Variants in EXOC6 observed in about 807,000 individuals in gnomAD.
EXOC6 encodes SEC15-like 1.
A neutral mutation model predicts 112.5 loss-of-function variants in EXOC6; 60 were observed. The observed-to-expected ratio is 0.53, with a 90% CI of 0.43 to 0.66. EXOC6 has a LOEUF of 0.66. Ranked by LOEUF, EXOC6 falls within the 30% of genes least tolerant of loss-of-function variation. EXOC6 has a pLI of 0.00. For synonymous variants in EXOC6, 295 were observed against 308.0 expected (o/e 0.96, Z 0.44); for missense variants, 855 against 957.1 (o/e 0.89, Z 1.41).
chr10:92,915,691 AT>A lies in EXOC6; in HGVS notation c.664-61del, dbSNP rs1851043874. 41 of 1,245,252 alleles carry A rather than the reference AT, an allele frequency of 3.3e-5. No individual in the cohort carries two copies. The South Asian group carries it at 8.3e-4, about 25-fold the overall frequency. The allele number at this position is 1,245,252 out of a possible 1,614,324, so 77.1% of individuals were successfully genotyped here. A position where few individuals can be genotyped will look rare whatever the true frequency, so the allele number is the denominator to read the frequency against. On this transcript the variant is annotated intron_variant, in intron 6 of 21. Coordinates refer to ENST00000260762, the MANE Select transcript of EXOC6 (RefSeq NM_019053.6). The stretch of plus-strand genomic sequence containing the variant: ...AAAGATAAAAAAAAACTATGAACAA[AT>A]TTTTTGAACCAATTTTGACCATAAT...
intron 1 of EXOC6, among the ~76,000 whole-genome samples, chr10:92,886,563 G>A (rs535123912): frequency 6.6e-6 from 1 of 152,270 alleles, no homozygotes; most frequent in African/African-American, 2.4e-5. Flanking sequence ...TTTCTGACTG[G>A]AGAGTCTATG....
intron 1 of EXOC6, among the ~76,000 whole-genome samples, chr10:92,866,390 G>A (rs956776635): frequency 4.6e-5 from 7 of 151,938 alleles, no homozygotes; most frequent in African/African-American, 1.7e-4. Flanking sequence ...TCATTAACAT[G>A]TCCCAAAACC....
At chr10:92,953,318 A>G (rs1418402444) in intron 15 of EXOC6, among the ~76,000 whole-genome samples, 1 of 152,156 alleles carries the variant, frequency 6.6e-6, no homozygotes, top group Non-Finnish European at 1.5e-5. Context: ...GCCTCAAGCA[A>G]TCCACCCACC....
At position 93,018,017 on chromosome 10, in the gene EXOC6, A is replaced by G. The variant is rs868314184; in HGVS notation, c.2169+3750A>G. Among the ~76,000 whole-genome samples the G allele has an allele frequency of 8.1e-4, 123 of 151,742 alleles. 1 individual carries two copies. The highest frequency in any genetic ancestry group is 1.2e-3 in the South Asian group (6 of 4,824). On this transcript the variant is annotated intron_variant, in intron 20 of 21. Transcript: ENST00000260762. ...AAGAGTGAAACTCTGTCTCAAAAAAAAAAAAAAAGAAATAAAATAAAAATA... is the reference window on the plus strand; with the variant it reads ...AAGAGTGAAACTCTGTCTCAAAAAAGAAAAAAAAGAAATAAAATAAAAATA...
chr10:92,925,236 G>T (rs1164306639), intron 8 of EXOC6, among the ~76,000 whole-genome samples: 1 of 152,090 alleles, frequency 6.6e-6, no homozygotes, highest in Non-Finnish European at 1.5e-5. Flanking sequence ...TTTTAAGGGT[G>T]TGAATGCACA....
At chr10:92,947,563 T>C (rs1853107689) in intron 13 of EXOC6, among the ~76,000 whole-genome samples, 1 of 152,194 alleles carries the variant, frequency 6.6e-6, no homozygotes. Flanking sequence ...TATAATCTCA[T>C]TGGGAAAAGA....
intron 17 of EXOC6, among the ~76,000 whole-genome samples, chr10:92,971,880 A>T (rs1842315301): frequency 6.6e-6 from 1 of 152,062 alleles, no homozygotes; most frequent in South Asian, 2.1e-4. Flanking sequence ...TTTTGTTGAT[A>T]ACTGTACATT....
chr10:92,923,217 A>G (rs753923848), intron 8 of EXOC6, among the ~76,000 whole-genome samples: 3 of 152,104 alleles, frequency 2.0e-5, no homozygotes, highest in Non-Finnish European at 4.4e-5. Flanking sequence ...TTTGCCTTAG[A>G]TGGTACCCTT....
At position 92,899,663 on chromosome 10, in the gene EXOC6, T is replaced by C; in HGVS notation, c.458+19T>C. The C allele has an allele frequency of 6.3e-7, 1 of 1,592,944 alleles. No homozygotes were observed. The highest frequency in any genetic ancestry group is 8.6e-7 in the Non-Finnish European group (1 of 1,164,040). The stretch of plus-strand genomic sequence containing the variant: ...CCAAAAGGTGAGTTGGTTTTTTTCC[T>C]ATTGTTTTAAATAAGAATTTTTTTC... On this transcript the variant is annotated intron_variant, in intron 5 of 21. Transcript: ENST00000260762.
intron 18 of EXOC6, among the ~76,000 whole-genome samples, chr10:92,989,518 C>T (rs1401224591): frequency 6.6e-6 from 1 of 152,204 alleles, no homozygotes; most frequent in Non-Finnish European, 1.5e-5. Context: ...CTAGACTCAA[C>T]TGTAAATTTA....
chr10:93,033,017 G>T (rs776096163), intron 20 of EXOC6, among the ~76,000 whole-genome samples: 1 of 152,150 alleles, frequency 6.6e-6, no homozygotes, highest in African/African-American at 2.4e-5. Context: ...AATGTAGTGT[G>T]CAAGAGGAAG....
chr10:92,839,469 C>T (rs766291751), intron 1 of EXOC6, among the ~76,000 whole-genome samples: 2 of 152,114 alleles, frequency 1.3e-5, no homozygotes, highest in Non-Finnish European at 2.9e-5. Flanking sequence ...GGAATGGTTG[C>T]CTGAATCTTC....
intron 12 of EXOC6, among the ~76,000 whole-genome samples, chr10:92,937,388 C>G (rs1852404610): frequency 6.6e-6 from 1 of 152,068 alleles, no homozygotes; most frequent in Admixed American, 6.5e-5. Flanking sequence ...AATCTTTTTC[C>G]CCCTTAGAAC....
chr10:92,937,101 G>T (rs1442177830), intron 12 of EXOC6, among the ~76,000 whole-genome samples: 1 of 152,128 alleles, frequency 6.6e-6, no homozygotes, highest in East Asian at 1.9e-4. Context: ...GAGATTTCTA[G>T]CTTGTCCTTC....
intron 19 of EXOC6, among the ~76,000 whole-genome samples, chr10:92,997,965 C>T (rs899904312): frequency 1.3e-5 from 2 of 152,056 alleles, no homozygotes; most frequent in Admixed American, 1.3e-4. Context: ...TCTTACTTGC[C>T]CTGTAAGTAA....
chr10:92,914,882 A>G (rs1850995958), intron 6 of EXOC6, among the ~76,000 whole-genome samples: 1 of 152,258 alleles, frequency 6.6e-6, no homozygotes, highest in South Asian at 2.1e-4. Flanking sequence ...GTGTAAGGAA[A>G]TTAAAATCCT....
chr10:92,896,123 G>T (rs1326569444), intron 4 of EXOC6, among the ~76,000 whole-genome samples: 1 of 34,716 alleles, frequency 2.9e-5, no homozygotes, highest in Non-Finnish European at 4.6e-5. Context: ...ATATATATGT[G>T]TGTGTGTGTG....
intron 1 of EXOC6, among the ~76,000 whole-genome samples, chr10:92,835,234 T>C (rs1268146605): frequency 6.6e-6 from 1 of 152,244 alleles, no homozygotes; most frequent in Non-Finnish European, 1.5e-5. Context: ...TTATTTGTAT[T>C]GTAGCTGCTT....
intron 1 of EXOC6, among the ~76,000 whole-genome samples, chr10:92,851,305 T>A (rs933728876): frequency 1.3e-5 from 2 of 152,138 alleles, no homozygotes; most frequent in Non-Finnish European, 2.9e-5. Flanking sequence ...TTGAGGAGAC[T>A]GTAAAATTGA....
Sources: allele counts gnomAD v4.1 joint callset (sites outside exome capture counted in the v4.1 genomes callset), GRCh38; gene constraint gnomAD v4.1.1; transcripts MANE v1.5; gene names NCBI Gene and HGNC (gene_info 2026-07-23, HGNC 2026-07-21).